The following DPP6 variants were observed in gnomAD, a reference collection of about 807,000 sequenced individuals.
The protein encoded by DPP6 is A-type potassium channel modulatory protein DPP6.
In DPP6, 69 loss-of-function variants were observed where a neutral mutation model predicts 122.6. The observed-to-expected ratio is 0.56, with a 90% CI of 0.46 to 0.69. The LOEUF is 0.69. DPP6 is among the 30% of genes least tolerant of loss of function. The pLI is 0.00. For missense variants in DPP6, 928 were observed against 1,116.9 expected (o/e 0.83, Z 2.41); for synonymous variants, 418 against 433.1 (o/e 0.97, Z 0.43).
intron 1 of DPP6, among the ~76,000 whole-genome samples, chr7:154,422,863 A>G (rs1196479600): frequency 6.6e-6 from 1 of 152,228 alleles, no homozygotes; most frequent in Non-Finnish European, 1.5e-5. Context: ...GATCCAGAGC[A>G]GGGTCTCCCA....
chr7:153,781,931 C>T, the DPP6 span, among the ~76,000 whole-genome samples: 5 of 146,916 alleles, frequency 3.4e-5, no homozygotes, highest in East Asian at 9.8e-4. Context: ...AATTTATAAA[C>T]TTCTATCATA....
chr7:153,897,236 G>T (rs1799451903), intron 1 of DPP6, among the ~76,000 whole-genome samples: 1 of 152,136 alleles, frequency 6.6e-6, no homozygotes, highest in African/African-American at 2.4e-5. Context: ...CCCATTTCCA[G>T]CCCAGGTTCT....
rs1352644304 is a variant in DPP6 at position 154,868,006 on chromosome 7, C to T, written c.1726C>T (p.Leu576=). ...NTTDKKKMFD[L]ETNEHVKKAI... ...TTCCTCTCTTTCAGAAATGTTTGAC[C>T]TAGAAACAAATGAACATGTCAAGAA... The change falls in exon 18 of 26, where the codon CTA becomes TTA. Residue 576 remains leucine (L), a synonymous_variant. Transcript: ENST00000377770. 1 of 1,600,942 alleles carries T rather than the reference C, an allele frequency of 6.2e-7. No individual in the cohort carries two copies. The highest frequency in any genetic ancestry group is 8.5e-7 in the Non-Finnish European group (1 of 1,173,970).
At chr7:154,106,506 G>C (rs1197262409) in intron 1 of DPP6, among the ~76,000 whole-genome samples, 1 of 134,008 alleles carries the variant, frequency 7.5e-6, no homozygotes, top group African/African-American at 2.9e-5. Flanking sequence ...GAGATTCAGT[G>C]GCCACTCATG....
At position 153,910,924 on chromosome 7, in the gene DPP6, G is replaced by C. The variant is rs1042659439; in HGVS notation, c.51+23190G>C. The stretch of plus-strand genomic sequence containing the variant: ...CAGTGCCATCATCCTCTCCTACCTG[G>C]ACTGCAAGTGGACTCTTACTTGGCT... On this transcript the variant is annotated intron_variant, in intron 1 of 25. Coordinates refer to the DPP6 transcript ENST00000404039. Among the ~76,000 whole-genome samples the C allele has an allele frequency of 1.2e-4, 19 of 152,220 alleles. No individual in the cohort carries two copies. In the East Asian group the frequency reaches 3.7e-3, roughly 30 times the overall value.
At chr7:153,952,998 T>A (rs910269596) in intron 1 of DPP6, among the ~76,000 whole-genome samples, 5 of 152,164 alleles carry the variant, frequency 3.3e-5, no homozygotes, top group African/African-American at 1.2e-4. Context: ...TTATGTCCTG[T>A]ATTACAATCT....
chr7:154,562,859 T>A (rs1830513112), intron 4 of DPP6, among the ~76,000 whole-genome samples: 1 of 152,172 alleles, frequency 6.6e-6, no homozygotes, highest in African/African-American at 2.4e-5. Flanking sequence ...TTATAGTACA[T>A]CCTTGGGAAT....
At chr7:154,467,534 A>G (rs142951217) in intron 2 of DPP6, among the ~76,000 whole-genome samples, 1 of 152,098 alleles carries the variant, frequency 6.6e-6, no homozygotes, top group Non-Finnish European at 1.5e-5. Flanking sequence ...TTCTACCATG[A>G]TTGTAAGTTT....
In DPP6 at chr7:154,062,028, A is replaced by AC. The variant is rs1348276646; in HGVS notation, c.243+8971dup. 7.6e-4 allele frequency among the ~76,000 whole-genome samples: 67 copies of AC among 87,616 alleles called. 4 individuals carry two copies. Among genetic ancestry groups the AC allele is most frequent in the Middle Eastern group, 9.6e-3 (1 of 104 alleles). The allele number at this position is 87,616 out of a possible 152,430, so 57.5% of individuals were successfully genotyped here. ...ACCCCCATCGCAGGGGGGGGGAGGC[A>AC]CCCCCCGCGAGGCAGGGACTGACAG... On this transcript the variant is annotated intron_variant, in intron 1 of 25. Transcript: ENST00000377770.
intron 1 of DPP6, among the ~76,000 whole-genome samples, chr7:154,397,739 T>C (rs78421163): frequency 0.028 from 4,259 of 152,304 alleles, 189 homozygotes; most frequent in African/African-American, 0.097. Context: ...AGTTCTAATA[T>C]GTTTGTTCAC....
chr7:154,204,225 G>A (rs77545921), intron 1 of DPP6, among the ~76,000 whole-genome samples: 8,194 of 152,262 alleles, frequency 0.054, 279 homozygotes, highest in South Asian at 0.11. Flanking sequence ...AGTCCCATCC[G>A]TGGACAAAAT....
At chr7:154,166,288 A>G (rs1400698415) in intron 1 of DPP6, among the ~76,000 whole-genome samples, 2 of 152,094 alleles carry the variant, frequency 1.3e-5, no homozygotes, top group East Asian at 1.9e-4. Context: ...TGGAGCTGTG[A>G]CGTTCTTGGG....
intron 12 of DPP6, among the ~76,000 whole-genome samples, chr7:154,799,881 G>A (rs940716902): frequency 2.0e-5 from 3 of 152,148 alleles, no homozygotes; most frequent in Non-Finnish European, 4.4e-5. Context: ...ATGAGAAACC[G>A]GGTCTCAGAG....
At chr7:154,655,285 C>T (rs1014237021) in intron 6 of DPP6, among the ~76,000 whole-genome samples, 2 of 152,158 alleles carry the variant, frequency 1.3e-5, no homozygotes, top group African/African-American at 4.8e-5. Flanking sequence ...AATGAGTAAA[C>T]TTCGCTGCAC....
chr7:154,620,756 C>T (rs764827783), intron 5 of DPP6, among the ~76,000 whole-genome samples: 9 of 152,202 alleles, frequency 5.9e-5, no homozygotes, highest in Non-Finnish European at 8.8e-5. Context: ...TCCATACCTT[C>T]GTTTGCAGTT....
chr7:154,142,750 A>G (rs1217424551), intron 1 of DPP6, among the ~76,000 whole-genome samples: 1 of 149,560 alleles, frequency 6.7e-6, no homozygotes, highest in Non-Finnish European at 1.5e-5. Flanking sequence ...CACTACTTTC[A>G]TTTTTGCATT....
At chr7:153,752,732 A>G in the DPP6 span, among the ~76,000 whole-genome samples, 9 of 126,054 alleles carry the variant, frequency 7.1e-5, no homozygotes, top group Admixed American at 1.7e-4. Context: ...CTGAGGTCCT[A>G]TCTACTCAGG....
intron 10 of DPP6, among the ~76,000 whole-genome samples, chr7:154,778,899 A>T (rs1196236699): frequency 6.7e-6 from 1 of 148,728 alleles, no homozygotes; most frequent in Admixed American, 6.7e-5. Flanking sequence ...CTTCACCACC[A>T]TCACCACCAC....
At chr7:153,959,591 A>G (rs1335640308) in intron 1 of DPP6, among the ~76,000 whole-genome samples, 4 of 152,262 alleles carry the variant, frequency 2.6e-5, no homozygotes. Context: ...AATCTTTGCT[A>G]GCTTCCAGCT....
Sources: gnomAD v4.1 joint callset for allele counts (sites outside exome capture counted in the v4.1 genomes callset) on GRCh38, gnomAD v4.1.1 for gene constraint, MANE v1.5 for transcripts, NCBI Gene and HGNC (gene_info 2026-07-23, HGNC 2026-07-21) for gene names.